Variants in RIMS2 observed in about 807,000 individuals in gnomAD.
The protein encoded by RIMS2 is regulating synaptic membrane exocytosis protein 2.
RIMS2 carries 59 observed loss-of-function variants against 174.4 expected under a neutral mutation model. That is an observed-to-expected ratio of 0.34 (90% CI 0.27 to 0.42). The LOEUF is 0.42. RIMS2 is among the 10% of genes least tolerant of loss of function. The pLI, the probability that RIMS2 is intolerant of heterozygous loss-of-function variation, is 1.00. For synonymous variants in RIMS2, 606 were observed against 572.5 expected, an observed-to-expected ratio of 1.06 and a Z score of -0.84; for missense variants, 1,620 against 1,666.3, an observed-to-expected ratio of 0.97 and a Z score of 0.48.
intron 4 of RIMS2, among the ~76,000 whole-genome samples, chr8:103,907,797 G>A (rs912429940): frequency 6.6e-6 from 1 of 151,318 alleles, no homozygotes; most frequent in Non-Finnish European, 1.5e-5. Context: ...CCAGGCTGGA[G>A]TGCAGTGGTG....
intron 3 of RIMS2, among the ~76,000 whole-genome samples, chr8:103,871,744 A>T (rs551251533): frequency 7.2e-5 from 11 of 152,014 alleles, no homozygotes; most frequent in Non-Finnish European, 1.5e-4. Flanking sequence ...AAAGAATTGC[A>T]TTGATTTTTG....
Position 103,838,174 on chromosome 8 carries a change from G to C in RIMS2, c.699-47124G>C, listed in dbSNP as rs917882427. On this transcript the variant is annotated intron_variant, in intron 3 of 23. Coordinates refer to ENST00000504942, the Ensembl canonical transcript of RIMS2. ...TTGCCCAGGCTGGTCTCAAACTGCT[G>C]AGCTCAAGAGATCCACCCACCTCTG... Among the ~76,000 whole-genome samples, 3 of 152,002 alleles carry C rather than the reference G, an allele frequency of 2.0e-5. No individual in the cohort carries two copies. The South Asian group carries it at 6.2e-4, about 32-fold the overall frequency.
chr8:104,066,051 C>A (rs2097100400), intron 19 of RIMS2, among the ~76,000 whole-genome samples: 1 of 152,108 alleles, frequency 6.6e-6, no homozygotes, highest in South Asian at 2.1e-4. Flanking sequence ...TGCCAGAGAG[C>A]AAATCTGACT....
intron 3 of RIMS2, among the ~76,000 whole-genome samples, chr8:103,773,306 T>C (rs2098274082): frequency 6.6e-6 from 1 of 152,222 alleles, no homozygotes; most frequent in Non-Finnish European, 1.5e-5. Flanking sequence ...TATAAAGCAC[T>C]CTTAAAATTC....
chr8:104,179,415 G>T (rs987761896), intron 19 of RIMS2, among the ~76,000 whole-genome samples: 1 of 151,678 alleles, frequency 6.6e-6, no homozygotes, highest in Non-Finnish European at 1.5e-5. Flanking sequence ...ACATTTCCTG[G>T]ATTTGTACAG....
At chr8:103,920,290 A>G (rs1027681600) in intron 9 of RIMS2, among the ~76,000 whole-genome samples, 1 of 152,140 alleles carries the variant, frequency 6.6e-6, no homozygotes, top group Non-Finnish European at 1.5e-5. Flanking sequence ...TTACATTACC[A>G]AAAGGAGCTA....
At chr8:103,974,526 T>C (rs1421651243) in intron 15 of RIMS2, among the ~76,000 whole-genome samples, 1 of 152,218 alleles carries the variant, frequency 6.6e-6, no homozygotes, top group Non-Finnish European at 1.5e-5. Context: ...TTTCCCCACA[T>C]TGAACTGTTG....
intron 1 of RIMS2, among the ~76,000 whole-genome samples, chr8:103,571,966 T>G (rs1395087664): frequency 6.6e-6 from 1 of 152,204 alleles, no homozygotes; most frequent in Non-Finnish European, 1.5e-5. Flanking sequence ...TCAATAATAG[T>G]AATAGTGTGT....
chr8:103,609,788 G>T (rs145902512), intron 1 of RIMS2, among the ~76,000 whole-genome samples: 55 of 152,254 alleles, frequency 3.6e-4, no homozygotes, highest in Middle Eastern at 3.4e-3. Flanking sequence ...TGTTCTTTCT[G>T]CTTAGGATTG....
At chr8:103,947,889 T>C (rs934379213) in intron 14 of RIMS2, among the ~76,000 whole-genome samples, 6 of 152,222 alleles carry the variant, frequency 3.9e-5, no homozygotes, top group African/African-American at 1.4e-4. Context: ...ATACAGTTAG[T>C]TGTTTACTGA....
At chr8:103,884,462 G>T (rs1351778894) in intron 3 of RIMS2, among the ~76,000 whole-genome samples, 1 of 151,680 alleles carries the variant, frequency 6.6e-6, no homozygotes, top group African/African-American at 2.4e-5. Flanking sequence ...TTGTTAACAG[G>T]GTATCATGTC....
intron 17 of RIMS2, among the ~76,000 whole-genome samples, chr8:103,989,969 T>A (rs1236496554): frequency 6.6e-6 from 1 of 152,152 alleles, no homozygotes; most frequent in Non-Finnish European, 1.5e-5. Context: ...TTGGAAGAGC[T>A]CTCTGAATTT....
chr8:104,043,665 C>T (rs988190567), intron 19 of RIMS2, among the ~76,000 whole-genome samples: 1 of 151,476 alleles, frequency 6.6e-6, no homozygotes, highest in Non-Finnish European at 1.5e-5. Context: ...GCAAACTGAG[C>T]AGGTTATTAT....
intron 1 of RIMS2, among the ~76,000 whole-genome samples, chr8:103,575,655 T>A (rs1340428902): frequency 2.1e-5 from 3 of 140,880 alleles, no homozygotes; most frequent in East Asian, 2.3e-4. Context: ...ATAATTTATA[T>A]ATATAAACAC....
chr8:103,788,271 C>T (rs1237697068), intron 3 of RIMS2, among the ~76,000 whole-genome samples: 3 of 150,926 alleles, frequency 2.0e-5, no homozygotes, highest in Admixed American at 1.3e-4. Flanking sequence ...TCTCTCAGCT[C>T]GTCAAAGTCA....
chr8:103,715,775 T>G (rs2097361030), intron 2 of RIMS2, among the ~76,000 whole-genome samples: 1 of 152,188 alleles, frequency 6.6e-6, no homozygotes, highest in African/African-American at 2.4e-5. Flanking sequence ...TTAGTTATAT[T>G]AAGTATAAAA....
chr8:103,554,729 G>A lies in RIMS2; in HGVS notation c.176+53667G>A, dbSNP rs569534769. On this transcript the variant is annotated intron_variant, in intron 1 of 23. Coordinates refer to ENST00000504942, the Ensembl canonical transcript of RIMS2. ...AAATCACTGTACCATAAAGACACAC[G>A]GAGATGTATGTCCATTGCAGCACTA... 1.1e-4 allele frequency among the ~76,000 whole-genome samples: 17 copies of A among 152,232 alleles called. No individual in the cohort carries two copies. The Middle Eastern group carries it at 0.017, about 152-fold the overall frequency.
intron 2 of RIMS2, among the ~76,000 whole-genome samples, chr8:103,761,432 A>G (rs2140130250): frequency 6.6e-6 from 1 of 152,380 alleles, no homozygotes; most frequent in East Asian, 1.9e-4. Flanking sequence ...TGTGAAGTCC[A>G]CACTGGTAAG....
chr8:103,562,068 C>T (rs2091674487), intron 1 of RIMS2, among the ~76,000 whole-genome samples: 1 of 152,194 alleles, frequency 6.6e-6, no homozygotes, highest in Non-Finnish European at 1.5e-5. Flanking sequence ...CCTCCCACAA[C>T]ATGTGGGAAT....
Sources: allele counts gnomAD v4.1 joint callset (sites outside exome capture counted in the v4.1 genomes callset), GRCh38; gene constraint gnomAD v4.1.1; transcripts MANE v1.5; gene names NCBI Gene and HGNC (gene_info 2026-07-23, HGNC 2026-07-21).